The following ERC1 variants were observed in gnomAD, a reference collection of about 807,000 sequenced individuals.
The protein encoded by ERC1 is RAB6 interacting protein 2.
ERC1 carries 56 observed loss-of-function variants against 132.0 expected under a neutral mutation model. The ratio of observed to expected loss-of-function variants is 0.42; its 90% CI spans 0.34 to 0.53. The LOEUF is 0.53. Ranked by LOEUF, ERC1 falls within the 20% of genes least tolerant of loss-of-function variation. The pLI, the probability that ERC1 is intolerant of heterozygous loss-of-function variation, is 0.03. For missense variants in ERC1, 1,202 were observed against 1,349.9 expected, an observed-to-expected ratio of 0.89 and a Z score of 1.72; for synonymous variants, 478 against 476.1, an observed-to-expected ratio of 1.00 and a Z score of -0.05.
chr12:1,100,982 T>C (rs1313245964), intron 3 of ERC1, among the ~76,000 whole-genome samples: 1 of 152,078 alleles, frequency 6.6e-6, no homozygotes, highest in Non-Finnish European at 1.5e-5. Context: ...GTGCCATACC[T>C]TGAAAGCCAA....
At chr12:1,397,966 G>A (rs1218434633) in intron 16 of ERC1, among the ~76,000 whole-genome samples, 2 of 152,040 alleles carry the variant, frequency 1.3e-5, no homozygotes, top group Non-Finnish European at 2.9e-5. Context: ...ATCTCAGTAG[G>A]ATAAACTCCA....
At chr12:1,126,539 G>A (rs572998244) in intron 7 of ERC1, among the ~76,000 whole-genome samples, 55 of 152,196 alleles carry the variant, frequency 3.6e-4, no homozygotes, top group Non-Finnish European at 6.5e-4. Context: ...AAAATGTTTA[G>A]TAGGAATATA....
At chr12:1,308,210 G>GTTC (rs145960493) in intron 15 of ERC1, among the ~76,000 whole-genome samples, 6 of 150,032 alleles carry the variant, frequency 4.0e-5, no homozygotes, top group African/African-American at 1.5e-4. Context: ...TGTTACTATT[G>GTTC]TTATTATTAT....
chr12:1,365,043 T>A (rs2086524321), intron 15 of ERC1, among the ~76,000 whole-genome samples: 1 of 152,184 alleles, frequency 6.6e-6, no homozygotes, highest in South Asian at 2.1e-4. Context: ...AAAATTTTGG[T>A]AGAAATGATT....
At chr12:1,217,171 A>G (rs928015005) in intron 12 of ERC1, among the ~76,000 whole-genome samples, 2 of 152,112 alleles carry the variant, frequency 1.3e-5, no homozygotes, top group Non-Finnish European at 2.9e-5. Flanking sequence ...AGTTGACAAT[A>G]TATTTATTCT....
At chr12:1,463,861 A>G (rs987533844) in intron 18 of ERC1, among the ~76,000 whole-genome samples, 3 of 152,072 alleles carry the variant, frequency 2.0e-5, no homozygotes, top group African/African-American at 7.2e-5. Context: ...TATCTTGCCA[A>G]TTGGATGTTG....
chr12:1,457,226 C>G (rs150855203), intron 18 of ERC1, among the ~76,000 whole-genome samples: 61 of 152,266 alleles, frequency 4.0e-4, no homozygotes, highest in African/African-American at 1.3e-3. Flanking sequence ...CTGTGATGTT[C>G]CCACAACAAG....
intron 7 of ERC1, among the ~76,000 whole-genome samples, chr12:1,121,909 CTCTATCTCTATCTCTATCTGTGTCTCTA>C (rs1183753266): frequency 2.4e-4 from 2 of 8,244 alleles, no homozygotes; most frequent in Non-Finnish European, 4.5e-4. Context: ...CTATCTCTAT[CTCTATCTCTATCTCTATCTGTGTCTCTA>C]TCTATCTCTA....
intron 15 of ERC1, among the ~76,000 whole-genome samples, chr12:1,348,101 T>G (rs762720390): frequency 2.0e-5 from 3 of 152,204 alleles, no homozygotes; most frequent in Non-Finnish European, 4.4e-5. Context: ...TTATTTACAT[T>G]GTCTGGCATG....
At position 1,182,004 on chromosome 12, in the gene ERC1, A is replaced by C. The variant is rs765279595; in HGVS notation, c.1955A>C (p.Lys652Thr). ...CAAGAGGAAATTGATAACTACAAAA[A>C]AGATCTTAAAGACTTGAAGGAAAAA... ...EKQEEIDNYK[K>T]DLKDLKEKVS... is the part of the protein sequence containing the mutation. Residue 652 changes from lysine (K) to threonine (T), a missense_variant, in exon 10 of 19, where the codon AAA (lysine) becomes ACA (threonine). Physicochemically the swap from Lys to Thr is moderately conservative, Grantham distance 78. Coordinates refer to ENST00000360905, the MANE Select transcript of ERC1 (RefSeq NM_178040.4). The C allele has an allele frequency of 6.2e-6, 10 of 1,614,132 alleles. No individual in the cohort carries two copies. Among genetic ancestry groups the C allele is most frequent in the South Asian group, 2.2e-5 (2 of 91,078 alleles).
intron 15 of ERC1, among the ~76,000 whole-genome samples, chr12:1,347,982 C>G (rs558098648): frequency 1.3e-5 from 2 of 151,202 alleles, no homozygotes; most frequent in African/African-American, 4.9e-5. Context: ...GACTCGGTCT[C>G]AAGAAAAAAA....
chr12:1,137,095 C>CTTTTTTTTT (rs1949321751), intron 7 of ERC1, among the ~76,000 whole-genome samples: 2 of 134,744 alleles, frequency 1.5e-5, no homozygotes, highest in African/African-American at 2.8e-5. Context: ...TTCTTTTTTT[C>CTTTTTTTTT]TTTTCTTTTT....
chr12:1,028,448 C>T lies in ERC1; in HGVS notation c.545C>T (p.Ser182Leu), dbSNP rs763892753. The change falls in exon 2 of 19, where the codon TCA becomes TTA. Residue 182 changes from serine to leucine, a missense_variant. Physicochemically the swap from Ser to Leu is moderately radical, Grantham distance 145 (BLOSUM62 -2). Transcript: ENST00000360905. Reference sequence around the variant, plus strand: ...GTAAAGGAGAGCAAATTGAGTTCTTCAATGAATAGCATCAAGACCTTCTGG... The same window carrying T: ...GTAAAGGAGAGCAAATTGAGTTCTTTAATGAATAGCATCAAGACCTTCTGG... ...VEVKESKLSS[S>L]MNSIKTFWSP... 1.2e-6 allele frequency: 2 copies of T among 1,614,130 alleles called. No individual in the cohort carries two copies. Among genetic ancestry groups the T allele is most frequent in the Non-Finnish European group, 1.7e-6 (2 of 1,180,020 alleles).
chr12:1,063,189 T>G lies in ERC1; in HGVS notation c.670-19975T>G, dbSNP rs139716009. On this transcript the variant is annotated intron_variant, in intron 2 of 18. Transcript: ENST00000360905. ...TTCAAGCAGTTCTCCTGCCTTAGCC[T>G]CCCAAGTAGCTGGGGATTACAAGCA... is the stretch of plus-strand genomic sequence containing the variant. Among the ~76,000 whole-genome samples the G allele has an allele frequency of 4.3e-4, 66 of 152,326 alleles. 1 individual carries two copies. Among genetic ancestry groups the G allele is most frequent in the African/African-American group, 1.6e-3 (65 of 41,572 alleles).
At chr12:1,204,429 G>C (rs920689934) in intron 12 of ERC1, 1 of 1,293,936 alleles carries the variant, frequency 7.7e-7, no homozygotes, top group African/African-American at 1.5e-5. Flanking sequence ...TAATATTTCT[G>C]AATATTGTCC....
chr12:1,170,706 C>G (rs1314268428), intron 8 of ERC1, among the ~76,000 whole-genome samples: 1 of 152,182 alleles, frequency 6.6e-6, no homozygotes, highest in Non-Finnish European at 1.5e-5. Context: ...GTCTTACCAG[C>G]TTTTGTGTCA....
chr12:1,369,686 A>G (rs958607620), intron 15 of ERC1, among the ~76,000 whole-genome samples: 1 of 152,042 alleles, frequency 6.6e-6, no homozygotes, highest in Non-Finnish European at 1.5e-5. Flanking sequence ...ACCACTTAAC[A>G]TATTTTTTTC....
chr12:1,418,162 G>A (rs774157278), intron 17 of ERC1, among the ~76,000 whole-genome samples: 8 of 152,182 alleles, frequency 5.3e-5, no homozygotes, highest in Non-Finnish European at 1.2e-4. Flanking sequence ...ACGTTATTAT[G>A]CCTTTGTGTT....
rs1021442002 is a variant in ERC1, at chr12:1,455,756, G to A, written c.3213+11006G>A. Among the ~76,000 whole-genome samples, 120 of 152,292 alleles carry A rather than the reference G, an allele frequency of 7.9e-4. 4 individuals are homozygous for A. The highest frequency in any genetic ancestry group is 2.6e-4 in the African/African-American group (11 of 41,566). On this transcript the variant is annotated intron_variant, in intron 18 of 18. Coordinates refer to ENST00000360905, the MANE Select transcript of ERC1 (RefSeq NM_178040.4). ...TTTCCCTTGTATATAAATGCGAACCGTTTTTCATTTTCAAAATTTCAAACT... is the reference window on the plus strand; with the variant it reads ...TTTCCCTTGTATATAAATGCGAACCATTTTTCATTTTCAAAATTTCAAACT...
Sources: allele counts gnomAD v4.1 joint callset (sites outside exome capture counted in the v4.1 genomes callset), GRCh38; gene constraint gnomAD v4.1.1; transcripts MANE v1.5; gene names NCBI Gene and HGNC (gene_info 2026-07-23, HGNC 2026-07-21).